Variants in KIAA1328 observed in about 807,000 individuals in gnomAD.
The protein encoded by KIAA1328 is protein hinderin.
KIAA1328 carries 52 observed loss-of-function variants against 68.1 expected under a neutral mutation model. That is an observed-to-expected ratio of 0.76 (90% CI 0.61 to 0.96). The LOEUF (loss-of-function observed/expected upper bound fraction) is 0.96, where lower values mean the gene tolerates loss of function less well. Ranked by LOEUF, KIAA1328 falls within the 40% of genes least tolerant of loss-of-function variation. The pLI is 0.00. For missense variants in KIAA1328, 641 were observed against 677.6 expected, an observed-to-expected ratio of 0.95 and a Z score of 0.60; for synonymous variants, 232 against 239.4, an observed-to-expected ratio of 0.97 and a Z score of 0.28.
At chr18:36,863,059 A>AAAATCCTTTATTG (rs1296619374) in intron 4 of KIAA1328, among the ~76,000 whole-genome samples, 1 of 152,124 alleles carries the variant, frequency 6.6e-6, no homozygotes, top group Non-Finnish European at 1.5e-5. Flanking sequence ...GTTCTAGATA[A>AAAATCCTTTATTG]AAATCCTTTA....
At chr18:36,918,144 C>A (rs1216694412) in intron 5 of KIAA1328, among the ~76,000 whole-genome samples, 8 of 151,820 alleles carry the variant, frequency 5.3e-5, no homozygotes, top group Non-Finnish European at 1.0e-4. Flanking sequence ...CCTCTTTTTG[C>A]CTTATATTGG....
At position 37,222,124 on chromosome 18, in the gene KIAA1328, T is replaced by G; in HGVS notation, c.1631T>G (p.Phe544Cys). 1 of 1,612,474 alleles carries G rather than the reference T, an allele frequency of 6.2e-7. No homozygotes were observed. Among genetic ancestry groups the G allele is most frequent in the Non-Finnish European group, 8.5e-7 (1 of 1,179,286 alleles). Reference sequence around the variant, plus strand: ...GCTGGGGCCTGGAATCATGGTACTTTCCGACTCAGTCCTCTAAAATCAACC... The same window carrying G: ...GCTGGGGCCTGGAATCATGGTACTTGCCGACTCAGTCCTCTAAAATCAACC... Reference protein sequence around the residue: ...REAGAWNHGTFRLSPLKSTRK... With the variant: ...REAGAWNHGTCRLSPLKSTRK... Residue 544 changes from phenylalanine (F) to cysteine (C), a missense_variant, in exon 10 of 10, where the codon TTC becomes TGC. Physicochemically the swap from Phe to Cys is radical, Grantham distance 205. Coordinates refer to ENST00000280020, the MANE Select transcript of KIAA1328 (RefSeq NM_020776.3).
chr18:37,015,010 C>T (rs1598975291), intron 6 of KIAA1328, among the ~76,000 whole-genome samples: 1 of 152,312 alleles, frequency 6.6e-6, no homozygotes, highest in African/African-American at 2.4e-5. Flanking sequence ...TCAAGTGATT[C>T]TCCTGCCTCA....
chr18:36,891,789 C>G (rs2048696428), intron 5 of KIAA1328, among the ~76,000 whole-genome samples: 1 of 152,134 alleles, frequency 6.6e-6, no homozygotes, highest in African/African-American at 2.4e-5. Flanking sequence ...GTGTCCTTTT[C>G]ATATAATGGC....
intron 6 of KIAA1328, among the ~76,000 whole-genome samples, chr18:37,034,544 T>G (rs2151596015): frequency 6.6e-6 from 1 of 152,340 alleles, no homozygotes; most frequent in Non-Finnish European, 1.5e-5. Flanking sequence ...GTCTTTTAGC[T>G]TTATTAACAT....
intron 5 of KIAA1328, chr18:36,895,624 C>CT: frequency 2.9e-6 from 1 of 343,584 alleles, no homozygotes; most frequent in Non-Finnish European, 5.9e-6. Context: ...CCTTTGCCTG[C>CT]TATTCTGGGC....
intron 4 of KIAA1328, among the ~76,000 whole-genome samples, chr18:36,860,677 A>T (rs1448692978): frequency 6.6e-6 from 1 of 152,178 alleles, no homozygotes; most frequent in Non-Finnish European, 1.5e-5. Context: ...AACTCAGCAT[A>T]ATGTCACTGC....
At chr18:36,906,144 T>G (rs2049212399) in intron 5 of KIAA1328, among the ~76,000 whole-genome samples, 1 of 152,158 alleles carries the variant, frequency 6.6e-6, no homozygotes, top group Non-Finnish European at 1.5e-5. Context: ...TTACATACAT[T>G]TGTAATATAG....
intron 6 of KIAA1328, among the ~76,000 whole-genome samples, chr18:37,019,238 C>G (rs750099511): frequency 7.9e-5 from 12 of 151,966 alleles, no homozygotes; most frequent in Admixed American, 3.3e-4. Context: ...TTCAGTAGCC[C>G]TGTGCACTTC....
At chr18:36,881,064 G>T (rs2150966690) in intron 4 of KIAA1328, among the ~76,000 whole-genome samples, 1 of 151,462 alleles carries the variant, frequency 6.6e-6, no homozygotes, top group Middle Eastern at 3.4e-3. Context: ...TTGGTATCAA[G>T]GTATGGCTGC....
At chr18:36,886,701 G>T (rs1421828267) in intron 5 of KIAA1328, among the ~76,000 whole-genome samples, 2 of 152,158 alleles carry the variant, frequency 1.3e-5, no homozygotes, top group Non-Finnish European at 2.9e-5. Context: ...TGATGGATCT[G>T]CCAGCTAAAC....
At chr18:37,022,573 A>C (rs901877967) in intron 6 of KIAA1328, among the ~76,000 whole-genome samples, 7 of 152,186 alleles carry the variant, frequency 4.6e-5, no homozygotes, top group Non-Finnish European at 7.3e-5. Context: ...TGGAAAGTGA[A>C]GACCTTTGGG....
chr18:37,010,341 G>A (rs2053931387), intron 6 of KIAA1328, among the ~76,000 whole-genome samples: 1 of 150,932 alleles, frequency 6.6e-6, no homozygotes, highest in Non-Finnish European at 1.5e-5. Context: ...TACTCGGGAG[G>A]CTGAGGCAGG....
intron 4 of KIAA1328, among the ~76,000 whole-genome samples, chr18:36,882,788 C>A (rs1275081078): frequency 6.6e-6 from 1 of 152,100 alleles, no homozygotes; most frequent in Non-Finnish European, 1.5e-5. Context: ...AATATCTGAC[C>A]TGGTTGGGCT....
chr18:37,137,932 T>C (rs2058681035), intron 7 of KIAA1328, among the ~76,000 whole-genome samples: 1 of 152,162 alleles, frequency 6.6e-6, no homozygotes, highest in Non-Finnish European at 1.5e-5. Flanking sequence ...ATCCCTCAAA[T>C]TCAACATCTC....
At chr18:36,832,064 G>A (rs1003824285) in intron 1 of KIAA1328, among the ~76,000 whole-genome samples, 4 of 151,948 alleles carry the variant, frequency 2.6e-5, no homozygotes, top group Non-Finnish European at 5.9e-5. Context: ...CTATACATTT[G>A]GTATATAATG....
chr18:37,229,181 C>G (rs539783679), downstream of KIAA1328, among the ~76,000 whole-genome samples: 18 of 152,226 alleles, frequency 1.2e-4, no homozygotes, highest in African/African-American at 4.3e-4. Flanking sequence ...GGAGAGGAAT[C>G]CAGAATGTTG....
At chr18:37,026,421 A>G (rs971568344) in intron 6 of KIAA1328, among the ~76,000 whole-genome samples, 1 of 152,204 alleles carries the variant, frequency 6.6e-6, no homozygotes, top group African/African-American at 2.4e-5. Flanking sequence ...ACACAACAAA[A>G]AAAGAGAATT....
intron 7 of KIAA1328, among the ~76,000 whole-genome samples, chr18:37,144,688 C>G (rs776502098): frequency 2.9e-4 from 44 of 151,844 alleles, no homozygotes; most frequent in Non-Finnish European, 6.2e-4. Flanking sequence ...ACCACCACAC[C>G]CAGCTAATTT....
Sources: gnomAD v4.1 joint callset for allele counts (sites outside exome capture counted in the v4.1 genomes callset) on GRCh38, gnomAD v4.1.1 for gene constraint, MANE v1.5 for transcripts, NCBI Gene and HGNC (gene_info 2026-07-23, HGNC 2026-07-21) for gene names.